RYR3: variants seen among roughly 807,000 people sequenced by gnomAD.
The protein encoded by RYR3 is brain ryanodine receptor-calcium release channel.
In RYR3, 207 loss-of-function variants were observed where a neutral mutation model predicts 584.3. The ratio of observed to expected loss-of-function variants is 0.35; its 90% CI spans 0.32 to 0.40. The LOEUF (loss-of-function observed/expected upper bound fraction) is 0.40, where lower values mean the gene tolerates loss of function less well. Among genes scored for constraint, RYR3 ranks in the 10% least tolerant of loss-of-function variants. The pLI, the probability that RYR3 is intolerant of heterozygous loss-of-function variation, is 1.00. For missense variants in RYR3, 5,616 were observed against 6,089.2 expected (o/e 0.92, Z 2.59); for synonymous variants, 2,416 against 2,248.5 (o/e 1.07, Z -2.11).
intron 91 of RYR3, among the ~76,000 whole-genome samples, chr15:33,842,279 C>T (rs1479113315): frequency 6.6e-6 from 1 of 152,216 alleles, no homozygotes; most frequent in Non-Finnish European, 1.5e-5. Flanking sequence ...TCCTCTCTCA[C>T]CTGTTTCCTT....
chr15:33,512,661 C>T (rs2053139079), intron 3 of RYR3, among the ~76,000 whole-genome samples: 1 of 152,156 alleles, frequency 6.6e-6, no homozygotes, highest in African/African-American at 2.4e-5. Context: ...TTCTGTTCAT[C>T]CTTGCTGTGG....
intron 1 of RYR3, among the ~76,000 whole-genome samples, chr15:33,316,290 T>C (rs888877121): frequency 6.6e-6 from 1 of 152,220 alleles, no homozygotes; most frequent in Admixed American, 6.5e-5. Flanking sequence ...TAATTCGACT[T>C]TTTCTTTACC....
intron 27 of RYR3, among the ~76,000 whole-genome samples, chr15:33,638,889 G>A (rs778034429): frequency 1.8e-4 from 28 of 152,188 alleles, no homozygotes; most frequent in Non-Finnish European, 3.7e-4. Context: ...TGTAACAAGA[G>A]TAGTTCTGTG....
intron 3 of RYR3, among the ~76,000 whole-genome samples, chr15:33,512,639 C>A (rs575726867): frequency 1.3e-5 from 2 of 152,316 alleles, no homozygotes; most frequent in East Asian, 3.9e-4. Flanking sequence ...GCTAATGTTA[C>A]ACAAACTAGA....
chr15:33,660,452 C>A, intron 34 of RYR3, 29 bp downstream of exon 34: 2 of 1,482,228 alleles, frequency 1.3e-6, no homozygotes, highest in South Asian at 1.3e-5. Context: ...AAGGAAGGGG[C>A]AGGCCTGAGG....
intron 94 of RYR3, chr15:33,852,183 A>G (rs976253383): frequency 6.6e-6 from 1 of 152,112 alleles, no homozygotes; most frequent in Non-Finnish European, 1.5e-5. Context: ...AAAGGAAAAC[A>G]AAAGTAAGAA....
intron 67 of RYR3, 71 bp from the exon 68 acceptor site, chr15:33,800,698 AT>A: frequency 1.8e-6 from 2 of 1,081,682 alleles, no homozygotes; most frequent in Non-Finnish European, 1.4e-6. Context: ...CAGTGCTGGT[AT>A]AATTTTTAGA....
intron 1 of RYR3, among the ~76,000 whole-genome samples, chr15:33,435,438 GTA>G (rs970187097): frequency 6.6e-6 from 1 of 152,152 alleles, no homozygotes; most frequent in Non-Finnish European, 1.5e-5. Flanking sequence ...TCCAGTCAGT[GTA>G]TAGTTTGGGG....
intron 1 of RYR3, among the ~76,000 whole-genome samples, chr15:33,414,287 A>G (rs2459471): frequency 0.19 from 29,487 of 152,144 alleles, 5,197 homozygotes; most frequent in African/African-American, 0.47. Flanking sequence ...TTCGAGCTGA[A>G]ATTTTTAAAT....
chr15:33,632,929 A>T lies in RYR3; in HGVS notation c.2868-20A>T. ...TCATGGAGATCTGTTAAAAATGTAT[A>T]CTTTTACATTTACTTGTAGCTATAT... is the stretch of plus-strand genomic sequence containing the variant. On this transcript the variant is annotated intron_variant, in intron 23 of 103. Transcript: ENST00000634891. 1.9e-6 allele frequency: 3 copies of T among 1,596,504 alleles called. No homozygotes were observed. The highest frequency in any genetic ancestry group is 1.7e-6 in the Non-Finnish European group (2 of 1,170,126).
chr15:33,845,994 A>G (rs1204716611), intron 93 of RYR3, among the ~76,000 whole-genome samples: 1 of 152,204 alleles, frequency 6.6e-6, no homozygotes, highest in African/African-American at 2.4e-5. Context: ...GCTGGGCTGG[A>G]ATGGCCAAGA....
chr15:33,633,694 G>T (rs74723555), intron 24 of RYR3, among the ~76,000 whole-genome samples: 3 of 152,172 alleles, frequency 2.0e-5, no homozygotes, highest in Non-Finnish European at 2.9e-5. Context: ...GAGGAGCAGC[G>T]GAGTAAAGAG....
chr15:33,630,303 C>G (rs989754051), intron 22 of RYR3, among the ~76,000 whole-genome samples: 1 of 152,072 alleles, frequency 6.6e-6, no homozygotes, highest in Non-Finnish European at 1.5e-5. Context: ...ATCAAAGGAC[C>G]AAGTACCTCC....
intron 51 of RYR3, among the ~76,000 whole-genome samples, chr15:33,740,316 T>C (rs1596377501): frequency 6.6e-6 from 1 of 152,188 alleles, no homozygotes; most frequent in East Asian, 1.9e-4. Flanking sequence ...AATGAGCTTT[T>C]TGACAATATC....
intron 69 of RYR3, among the ~76,000 whole-genome samples, chr15:33,802,345 G>A (rs2075963550): frequency 1.3e-5 from 2 of 152,182 alleles, no homozygotes; most frequent in South Asian, 2.1e-4. Context: ...ACCTTGCTTT[G>A]TAGATTTTGA....
chr15:33,703,405 G>A (rs1462073430), intron 42 of RYR3, among the ~76,000 whole-genome samples: 5 of 152,190 alleles, frequency 3.3e-5, no homozygotes, highest in Middle Eastern at 3.2e-3. Flanking sequence ...GTCCAAGATC[G>A]AGGTGTGCGC....
intron 1 of RYR3, among the ~76,000 whole-genome samples, chr15:33,419,826 G>A (rs533962887): frequency 1.3e-5 from 2 of 152,276 alleles, no homozygotes; most frequent in African/African-American, 4.8e-5. Context: ...CAGTGAGGGC[G>A]CTGGTGTTGA....
intron 92 of RYR3, 142 bp downstream of exon 92, chr15:33,843,716 T>A: frequency 1.6e-6 from 1 of 617,748 alleles, no homozygotes; most frequent in Non-Finnish European, 2.8e-6. Context: ...CATTGGCTTC[T>A]AAAAGGAATA....
chr15:33,803,229 G>A lies in RYR3; in HGVS notation c.10011+1268G>A, dbSNP rs150341144. ...GATAAAGTTTGACAAACAAAATTAC[G>A]TACATACAAAGTAGAGCAATCACAT... On this transcript the variant is annotated intron_variant, in intron 69 of 103. Coordinates refer to ENST00000634891, the MANE Select transcript of RYR3 (RefSeq NM_001036.6). 3.2e-3 allele frequency among the ~76,000 whole-genome samples: 485 copies of A among 152,294 alleles called. 2 individuals carry two copies. Among genetic ancestry groups the A allele is most frequent in the African/African-American group, 0.011 (460 of 41,558 alleles).
Sources: gnomAD v4.1 joint callset for allele counts (sites outside exome capture counted in the v4.1 genomes callset) on GRCh38, gnomAD v4.1.1 for gene constraint, MANE v1.5 for transcripts, NCBI Gene and HGNC (gene_info 2026-07-23, HGNC 2026-07-21) for gene names.